The following NALCN variants were observed in gnomAD, a reference collection of about 807,000 sequenced individuals.
NALCN encodes sodium leak channel NALCN.
NALCN carries 111 observed loss-of-function variants against 225.3 expected under a neutral mutation model. The observed-to-expected ratio is 0.49, with a 90% CI of 0.42 to 0.58. The LOEUF is 0.58. Ranked by LOEUF, NALCN falls within the 20% of genes least tolerant of loss-of-function variation. The pLI is 0.00. For missense variants in NALCN, 1,378 were observed against 2,202.4 expected (o/e 0.63, Z 7.49); for synonymous variants, 764 against 769.0 (o/e 0.99, Z 0.11).
chr13:101,300,367 T>TTTCCTTCCTTCC (rs71121182), intron 7 of NALCN, among the ~76,000 whole-genome samples: 16 of 101,638 alleles, frequency 1.6e-4, no homozygotes, highest in East Asian at 3.2e-4. Context: ...TCTTTCTTTC[T>TTTCCTTCCTTCC]TTCCTTCCTT....
intron 15 of NALCN, among the ~76,000 whole-genome samples, chr13:101,162,147 G>A (rs1159018714): frequency 2.0e-5 from 3 of 152,046 alleles, no homozygotes; most frequent in East Asian, 1.9e-4. Context: ...CATTTGTGTC[G>A]GGGTCTTCTA....
At chr13:101,388,108 T>C (rs1431011137) in intron 3 of NALCN, among the ~76,000 whole-genome samples, 2 of 152,158 alleles carry the variant, frequency 1.3e-5, no homozygotes, top group African/African-American at 2.4e-5. Flanking sequence ...CAGTACTTAC[T>C]GATATAATTA....
chr13:101,404,722 C>T (rs547873310), intron 1 of NALCN, among the ~76,000 whole-genome samples: 2 of 152,270 alleles, frequency 1.3e-5, no homozygotes, highest in African/African-American at 4.8e-5. Flanking sequence ...GTTTTGTAAC[C>T]AGATTTTTTA....
chr13:101,368,934 AG>A (rs2139392592), intron 6 of NALCN: 1 of 264,502 alleles, frequency 3.8e-6, no homozygotes, highest in South Asian at 3.2e-5. Flanking sequence ...TGAACCTGGG[AG>A]ATGGATGTTT....
chr13:101,119,559 CTATT>C (rs1594245068), intron 18 of NALCN, among the ~76,000 whole-genome samples: 2 of 152,336 alleles, frequency 1.3e-5, no homozygotes, highest in East Asian at 1.9e-4. Flanking sequence ...TAACATTTCT[CTATT>C]CATTCAGCCT....
chr13:101,311,969 G>A (rs1408249655), intron 7 of NALCN, among the ~76,000 whole-genome samples: 5 of 151,940 alleles, frequency 3.3e-5, no homozygotes, highest in East Asian at 2.0e-4. Context: ...GGTAGAATTC[G>A]GCTGTGAATC....
chr13:101,166,179 GTTA>G (rs1449446491), intron 15 of NALCN, among the ~76,000 whole-genome samples: 1 of 152,132 alleles, frequency 6.6e-6, no homozygotes, highest in African/African-American at 2.4e-5. Context: ...TCCACCTTCT[GTTA>G]TTGTGAAAAA....
At position 101,110,673 on chromosome 13, in the gene NALCN, T is replaced by C. The variant is rs1341231568; in HGVS notation, c.2310A>G (p.Gly770=). The C allele has an allele frequency of 6.2e-6, 10 of 1,614,004 alleles. No individual in the cohort carries two copies. In the African/African-American group the frequency reaches 6.7e-5, roughly 11 times the overall value. The change falls in exon 20 of 44, where the codon GGA becomes GGG. Residue 770 remains glycine, a synonymous_variant. Coordinates refer to ENST00000251127, the MANE Select transcript of NALCN (RefSeq NM_052867.4). Reference sequence around the variant, plus strand: ...CCCTGCTGATCCTCTGGCTGTTTGATCCATGTCTTAGTGACCTAAAACAAC... The same window carrying C: ...CCCTGCTGATCCTCTGGCTGTTTGACCCATGTCTTAGTGACCTAAAACAAC... ...IRQERRSLRH[G]SNSQRISRGK... is the part of the protein sequence containing the mutation.
intron 14 of NALCN, among the ~76,000 whole-genome samples, chr13:101,189,479 G>C (rs767196253): frequency 6.6e-6 from 1 of 152,166 alleles, no homozygotes; most frequent in South Asian, 2.1e-4. Flanking sequence ...GGGTTAACTC[G>C]CAGATACATG....
chr13:101,325,125 G>C lies in NALCN; in HGVS notation c.799+20141C>G, dbSNP rs577099676. The stretch of plus-strand genomic sequence containing the variant: ...AATCCGTACAGGGTTGGTCAGTTTG[G>C]AATACTATCAAAAGGCAAGCATCTT... On this transcript the variant is annotated intron_variant, in intron 7 of 43. Coordinates refer to ENST00000251127, the MANE Select transcript of NALCN (RefSeq NM_052867.4). Among the ~76,000 whole-genome samples the C allele has an allele frequency of 1.1e-4, 17 of 152,168 alleles. No homozygotes were observed. In the South Asian group the frequency reaches 3.1e-3, roughly 28 times the overall value.
chr13:101,200,640 G>A lies in NALCN; in HGVS notation c.1627-8586C>T, dbSNP rs1318946317. ...GTTGCCTACACTAGGCTTCCCACAG[G>A]GCCACTGAGGACCCATGCCATAGGG... On this transcript the variant is annotated intron_variant, in intron 13 of 43. Transcript: ENST00000251127. Among the ~76,000 whole-genome samples the A allele has an allele frequency of 2.0e-5, 3 of 152,094 alleles. No individual in the cohort carries two copies. In the South Asian group the frequency reaches 6.2e-4, roughly 32 times the overall value.
At chr13:101,085,184 T>C (rs2033870988) in intron 30 of NALCN, among the ~76,000 whole-genome samples, 1 of 152,218 alleles carries the variant, frequency 6.6e-6, no homozygotes, top group Non-Finnish European at 1.5e-5. Context: ...TGGATACTAA[T>C]CTTTTATCAA....
chr13:101,383,108 T>C (rs2046894360), intron 3 of NALCN, among the ~76,000 whole-genome samples: 1 of 152,186 alleles, frequency 6.6e-6, no homozygotes, highest in African/African-American at 2.4e-5. Context: ...TGTTCATTGT[T>C]TTTCATGCTG....
At chr13:101,138,442 G>A (rs2036909301) in intron 17 of NALCN, among the ~76,000 whole-genome samples, 1 of 152,224 alleles carries the variant, frequency 6.6e-6, no homozygotes. Flanking sequence ...AAGAGGGTGG[G>A]CAGATATTGC....
At chr13:101,361,080 G>T (rs767615108) in intron 6 of NALCN, among the ~76,000 whole-genome samples, 5 of 152,154 alleles carry the variant, frequency 3.3e-5, no homozygotes, top group Non-Finnish European at 7.3e-5. Context: ...CACAAATGTG[G>T]CTTGGAATCA....
rs2032300486 is a variant in NALCN, at chr13:101,065,492, C to T, written c.4516G>A (p.Asp1506Asn). 1.2e-6 allele frequency: 2 copies of T among 1,614,080 alleles called. No homozygotes were observed. Among genetic ancestry groups the T allele is most frequent in the South Asian group, 2.2e-5 (2 of 91,094 alleles). Residue 1506 changes from aspartate to asparagine, a missense_variant, in exon 40 of 44, where the codon GAC becomes AAC. Transcript: ENST00000251127. ...TGCTTAAACAGGAGCTTGTCCTTGT[C>T]CAGGTCCACCTCCAGCCTCCCACGC... Reference protein sequence around the residue: ...LLRGRLEVDLDKDKLLFKHMC... With the variant: ...LLRGRLEVDLNKDKLLFKHMC...
At chr13:101,211,581 T>C (rs942132836) in intron 13 of NALCN, among the ~76,000 whole-genome samples, 19 of 151,732 alleles carry the variant, frequency 1.3e-4, no homozygotes, top group Admixed American at 2.6e-4. Context: ...ACCCTAATGT[T>C]ATAGTAGAAA....
chr13:101,203,598 T>G (rs2040208660), intron 13 of NALCN, among the ~76,000 whole-genome samples: 1 of 152,218 alleles, frequency 6.6e-6, no homozygotes, highest in African/African-American at 2.4e-5. Flanking sequence ...TCAAAAATTA[T>G]AAAGGATAAA....
chr13:101,100,598 G>A (rs2034753512), intron 27 of NALCN, among the ~76,000 whole-genome samples, 186 bp downstream of exon 27: 1 of 152,112 alleles, frequency 6.6e-6, no homozygotes, highest in Non-Finnish European at 1.5e-5. Context: ...TTTCTTTTTA[G>A]GGACAGGGCT....
Sources: gnomAD v4.1 joint callset for allele counts (sites outside exome capture counted in the v4.1 genomes callset) on GRCh38, gnomAD v4.1.1 for gene constraint, MANE v1.5 for transcripts, NCBI Gene and HGNC (gene_info 2026-07-23, HGNC 2026-07-21) for gene names.